The following COMMD1 variants were observed in gnomAD, a reference collection of about 807,000 sequenced individuals.
COMMD1 encodes COMM domain-containing protein 1.
In COMMD1, 10 loss-of-function variants were observed where a neutral mutation model predicts 17.2. The observed-to-expected ratio is 0.58, with a 90% CI of 0.36 to 0.99. COMMD1 has a LOEUF of 0.99. Ranked by LOEUF, COMMD1 falls within the 50% of genes least tolerant of loss-of-function variation. COMMD1 has a pLI of 0.01. For missense variants in COMMD1, 270 were observed against 231.8 expected, an observed-to-expected ratio of 1.17 and a Z score of -1.07; for synonymous variants, 97 against 91.6, an observed-to-expected ratio of 1.06 and a Z score of -0.34.
intron 1 of COMMD1, among the ~76,000 whole-genome samples, chr2:61,939,551 G>A (rs1421995197): frequency 6.6e-6 from 1 of 151,952 alleles, no homozygotes; most frequent in East Asian, 1.9e-4. Context: ...CTAAAAATAT[G>A]CTATTTTAGT....
chr2:62,127,681 A>G (rs753609443), intron 2 of COMMD1, among the ~76,000 whole-genome samples: 3 of 152,198 alleles, frequency 2.0e-5, no homozygotes, highest in African/African-American at 4.8e-5. Flanking sequence ...ATATGCAGAA[A>G]ATTGAAACTG....
chr2:62,026,046 G>A (rs1164784123), intron 2 of COMMD1, among the ~76,000 whole-genome samples: 1 of 152,006 alleles, frequency 6.6e-6, no homozygotes, highest in Non-Finnish European at 1.5e-5. Flanking sequence ...GGCATGGAGA[G>A]GTGAATTATC....
rs576786187 is a variant in COMMD1, at chr2:62,059,333, A to T, written c.462+58351A>T. On this transcript the variant is annotated intron_variant, in intron 2 of 2. Coordinates refer to ENST00000311832, the MANE Select transcript of COMMD1 (RefSeq NM_152516.4). Reference sequence around the variant, plus strand: ...TGGCACCTGGCTAATTTAAAAAAAAATTTTTTTGTTTTTTGTCTCACTATG... The same window carrying T: ...TGGCACCTGGCTAATTTAAAAAAAATTTTTTTTGTTTTTTGTCTCACTATG... Among the ~76,000 whole-genome samples, 290 of 151,372 alleles carry T rather than the reference A, an allele frequency of 1.9e-3. 2 individuals carry two copies. The highest frequency in any genetic ancestry group is 5.0e-3 in the African/African-American group (204 of 41,138).
intron 1 of COMMD1, among the ~76,000 whole-genome samples, chr2:61,924,841 A>G (rs1670287244): frequency 6.6e-6 from 1 of 152,148 alleles, no homozygotes; most frequent in Non-Finnish European, 1.5e-5. Flanking sequence ...GAGGAAGAAG[A>G]GACTGTCGGT....
At chr2:62,014,218 GCTGT>G (rs757902055) in intron 2 of COMMD1, among the ~76,000 whole-genome samples, 3 of 152,182 alleles carry the variant, frequency 2.0e-5, no homozygotes, top group Non-Finnish European at 4.4e-5. Flanking sequence ...AGCTGTTCAG[GCTGT>G]CTGTTTCTAT....
intron 2 of COMMD1, among the ~76,000 whole-genome samples, chr2:62,067,916 A>G (rs558794661): frequency 4.8e-4 from 73 of 152,160 alleles, no homozygotes; most frequent in Non-Finnish European, 8.1e-4. Context: ...TGCCCTGACA[A>G]GGTCATTGTT....
intron 2 of COMMD1, among the ~76,000 whole-genome samples, chr2:62,002,101 T>C (rs944142948): frequency 1.3e-5 from 2 of 150,820 alleles, no homozygotes; most frequent in African/African-American, 2.4e-5. Flanking sequence ...ACCTGGGAGG[T>C]GGAGGTTGCA....
chr2:62,065,543 C>T (rs1457868409), intron 2 of COMMD1, among the ~76,000 whole-genome samples: 2 of 151,862 alleles, frequency 1.3e-5, no homozygotes, highest in East Asian at 1.9e-4. Context: ...AGCATTGTCT[C>T]TCCTGGGCTC....
rs1243052987 is a variant in COMMD1, at chr2:62,068,167, A to G, written c.462+67185A>G. Among the ~76,000 whole-genome samples, 5 of 152,358 alleles carry G rather than the reference A, an allele frequency of 3.3e-5. No individual in the cohort carries two copies. The East Asian group carries it at 5.8e-4, about 18-fold the overall frequency. ...CAGATATTTGGTCAATTGATTCTCAACCAAGATGATTCCACGAGGAAAGGA... is the reference window on the plus strand; with the variant it reads ...CAGATATTTGGTCAATTGATTCTCAGCCAAGATGATTCCACGAGGAAAGGA... On this transcript the variant is annotated intron_variant, in intron 2 of 2. Coordinates refer to ENST00000311832, the MANE Select transcript of COMMD1 (RefSeq NM_152516.4).
At chr2:62,044,052 G>C (rs1226329644) in intron 2 of COMMD1, among the ~76,000 whole-genome samples, 2 of 152,126 alleles carry the variant, frequency 1.3e-5, no homozygotes, top group African/African-American at 4.8e-5. Context: ...ATGTAGTAAA[G>C]TTTTATACTT....
At chr2:61,962,206 TC>T (rs770541055) in intron 1 of COMMD1, among the ~76,000 whole-genome samples, 1 of 152,164 alleles carries the variant, frequency 6.6e-6, no homozygotes, top group Non-Finnish European at 1.5e-5. Context: ...GTCGGATTGC[TC>T]CTCAGAGAGG....
At chr2:62,082,689 G>A (rs531613337) in intron 2 of COMMD1, among the ~76,000 whole-genome samples, 6 of 152,184 alleles carry the variant, frequency 3.9e-5, no homozygotes, top group Non-Finnish European at 5.9e-5. Flanking sequence ...GTGAAACATC[G>A]TCTCTACTAA....
intron 2 of COMMD1, among the ~76,000 whole-genome samples, chr2:62,022,553 A>G (rs982945896): frequency 2.1e-4 from 29 of 139,744 alleles, no homozygotes; most frequent in Non-Finnish European, 3.7e-4. Flanking sequence ...CAATGTTTGG[A>G]TGTTGTCTTT....
intron 1 of COMMD1, among the ~76,000 whole-genome samples, chr2:61,985,082 G>T (rs575081380): frequency 2.9e-3 from 419 of 144,236 alleles, no homozygotes; most frequent in African/African-American, 0.01. Context: ...ACGGAGTCTC[G>T]CTCTGTCGCC....
At chr2:62,065,718 ATGTTTAT>A (rs1671019796) in intron 2 of COMMD1, among the ~76,000 whole-genome samples, 1 of 152,196 alleles carries the variant, frequency 6.6e-6, no homozygotes, top group African/African-American at 2.4e-5. Flanking sequence ...TGAAGGTATG[ATGTTTAT>A]TATAATCGTT....
chr2:61,973,715 C>G (rs766312227), intron 1 of COMMD1, among the ~76,000 whole-genome samples: 1 of 149,704 alleles, frequency 6.7e-6, no homozygotes, highest in Non-Finnish European at 1.5e-5. Context: ...TTCAAAATCT[C>G]AGTCTTTGAT....
At chr2:61,957,492 T>G (rs1299657172) in intron 1 of COMMD1, among the ~76,000 whole-genome samples, 1 of 152,136 alleles carries the variant, frequency 6.6e-6, no homozygotes, top group East Asian at 1.9e-4. Context: ...TTGCCAAAGA[T>G]GCTTAACTCA....
intron 1 of COMMD1, among the ~76,000 whole-genome samples, chr2:61,909,286 A>C (rs765326871): frequency 6.6e-5 from 10 of 152,188 alleles, no homozygotes; most frequent in Non-Finnish European, 1.5e-4. Context: ...AGTAAGAGGG[A>C]ACATACACAA....
At chr2:61,987,430 G>T (rs902264991) in intron 1 of COMMD1, among the ~76,000 whole-genome samples, 3 of 152,184 alleles carry the variant, frequency 2.0e-5, no homozygotes, top group Non-Finnish European at 2.9e-5. Context: ...TGAAGTTCTT[G>T]CAGACTTGTA....
Sources: allele counts gnomAD v4.1 joint callset (sites outside exome capture counted in the v4.1 genomes callset), GRCh38; gene constraint gnomAD v4.1.1; transcripts MANE v1.5; gene names NCBI Gene and HGNC (gene_info 2026-07-23, HGNC 2026-07-21).